Variants in ATP2A3 observed in about 807,000 individuals in gnomAD.
ATP2A3 encodes the protein ATPase sarcoplasmic/endoplasmic reticulum Ca2+ transporting 3.
ATP2A3 carries 61 observed loss-of-function variants against 106.8 expected under a neutral mutation model. The observed-to-expected ratio is 0.57, with a 90% confidence interval of 0.46 to 0.71. The LOEUF is 0.71. ATP2A3 is among the 30% of genes least tolerant of loss of function. The pLI is 0.00. For synonymous variants in ATP2A3, 611 were observed against 609.3 expected, an observed-to-expected ratio of 1.00 and a Z score of -0.04; for missense variants, 1,201 against 1,423.5, an observed-to-expected ratio of 0.84 and a Z score of 2.52.
At chr17:3,945,268 G>T in intron 8 of ATP2A3, 120 bp from the exon 9 acceptor site, 1 of 884,660 alleles carries the variant, frequency 1.1e-6, no homozygotes, top group Non-Finnish European at 1.7e-6. Context: ...AAACCGGCCT[G>T]GCCGTCCGTG....
intron 11 of ATP2A3, 79 bp from the exon 12 acceptor site, chr17:3,942,810 C>A: frequency 6.3e-7 from 1 of 1,591,964 alleles, no homozygotes. Context: ...TGCTTGGCCC[C>A]AAGAGAGCCT....
At position 3,964,215 on chromosome 17, in the gene ATP2A3, G is replaced by T; in HGVS notation, c.77C>A (p.Pro26Gln). The T allele has an allele frequency of 7.9e-7, 1 of 1,266,924 alleles. No homozygotes were observed. The highest frequency in any genetic ancestry group is 1.0e-6 in the Non-Finnish European group (1 of 994,522). 78.5% of individuals were successfully genotyped at this position (1,266,924 alleles called of 1,614,324 possible). The change falls in exon 1 of 21, where the codon CCG (proline) becomes CAG (glutamine). Residue 26 changes from proline to glutamine, a missense_variant. By Grantham distance (76) the Pro-to-Gln change is moderately conservative. Transcript: ENST00000397041. ...FSVTAEGGLS[P>Q]AQVTGARERY... Reference sequence around the variant, plus strand: ...CTCCCGCGCGCCGGTCACCTGCGCCGGGCTCAGGCCGCCCTCGGCTGTCAC... The same window carrying T: ...CTCCCGCGCGCCGGTCACCTGCGCCTGGCTCAGGCCGCCCTCGGCTGTCAC...
intron 9 of ATP2A3, 31 bp from the exon 10 acceptor site, chr17:3,944,837 C>G (rs750208176): frequency 6.3e-7 from 1 of 1,582,222 alleles, no homozygotes; most frequent in Middle Eastern, 1.9e-4. Context: ...CCAGGAGGAC[C>G]TCGGCTCCGC....
chr17:3,962,335 C>T (rs1291847955), intron 1 of ATP2A3, among the ~76,000 whole-genome samples: 2 of 152,180 alleles, frequency 1.3e-5, no homozygotes, highest in African/African-American at 2.4e-5. Context: ...ATGGGGATGA[C>T]AACAGTCCTT....
At chr17:3,931,727 T>C (rs2053109198) in intron 17 of ATP2A3, among the ~76,000 whole-genome samples, 1 of 152,080 alleles carries the variant, frequency 6.6e-6, no homozygotes, top group Non-Finnish European at 1.5e-5. Flanking sequence ...TTCACCGTGT[T>C]AGCCAGGATG....
chr17:3,934,292 C>T (rs924776962), intron 17 of ATP2A3, among the ~76,000 whole-genome samples: 3 of 151,698 alleles, frequency 2.0e-5, no homozygotes, highest in Non-Finnish European at 2.9e-5. Flanking sequence ...GGTGTGATCA[C>T]GGCTCAGTTC....
Position 3,936,632 on chromosome 17 carries a change from C to A in ATP2A3, c.2322-163G>T. On this transcript the variant is annotated intron_variant, in intron 15 of 20. Coordinates refer to ENST00000397041, the MANE Select transcript of ATP2A3 (RefSeq NM_005173.4). The surrounding 1 kb of genome is among the most constrained non-coding windows in gnomAD (Gnocchi z 5.4). ...TGATGTGAAGGGTGTGTGTACACAG[C>A]TCTGCCTCGGGCCTGGCCAGTCCTG... 1.3e-6 allele frequency: 1 copy of A among 764,626 alleles called. No homozygotes were observed. 47.4% of individuals were successfully genotyped at this position (764,626 alleles called of 1,614,324 possible).
rs915447694 is a variant in ATP2A3, at chr17:3,940,041, TTGTTTTTTG to T, written c.2100+921_2100+929del. On this transcript the variant is annotated intron_variant, in intron 14 of 20. Coordinates refer to ENST00000397041, the MANE Select transcript of ATP2A3 (RefSeq NM_005173.4). Reference sequence around the variant, plus strand: ...GGTAATGTGTCATATCTTTTTTTTTTTGTTTTTTGTTTTTTTTTTTTTTGGAGAGATGGG... The same window carrying T: ...GGTAATGTGTCATATCTTTTTTTTTTTTTTTTTTTTTTTTGGAGAGATGGG... Among the ~76,000 whole-genome samples the T allele has an allele frequency of 1.9e-4, 18 of 92,614 alleles. 2 individuals carry two copies. Among genetic ancestry groups the T allele is most frequent in the African/African-American group, 7.2e-4 (13 of 18,090 alleles). 60.8% of individuals were successfully genotyped at this position (92,614 alleles called of 152,430 possible).
intron 5 of ATP2A3, 79 bp downstream of exon 5, chr17:3,951,172 C>A: frequency 8.7e-7 from 1 of 1,149,542 alleles, no homozygotes; most frequent in Non-Finnish European, 1.1e-6. Context: ...GACTCCATCT[C>A]AAAAAATAAA....
intron 7 of ATP2A3, among the ~76,000 whole-genome samples, chr17:3,949,935 G>A (rs1284637216): frequency 2.0e-5 from 3 of 151,950 alleles, no homozygotes; most frequent in Non-Finnish European, 2.9e-5. Context: ...GCCAAGGTGG[G>A]CGGATCACTT....
chr17:3,937,217 C>G (rs1014921719), intron 15 of ATP2A3, 199 bp downstream of exon 15: 1 of 664,850 alleles, frequency 1.5e-6, no homozygotes, highest in African/African-American at 1.8e-5. Context: ...GACCATGATC[C>G]ATAGGTCACC....
chr17:3,927,798 C>T (rs1039500880), intron 20 of ATP2A3: 4 of 985,360 alleles, frequency 4.1e-6, no homozygotes, highest in Non-Finnish European at 4.8e-6. Context: ...ATGACAGACG[C>T]GTGATCTATT....
intron 1 of ATP2A3, among the ~76,000 whole-genome samples, chr17:3,958,767 T>TATATACAC (rs2054940599): frequency 1.4e-5 from 2 of 145,498 alleles, no homozygotes; most frequent in East Asian, 2.0e-4. Context: ...TACACACACA[T>TATATACAC]ATATATACAC....
chr17:3,943,842 G>A (rs916866930), intron 10 of ATP2A3, among the ~76,000 whole-genome samples: 2 of 151,892 alleles, frequency 1.3e-5, no homozygotes, highest in African/African-American at 4.8e-5. Flanking sequence ...GCTCTCCCTG[G>A]GGCCCTTTGC....
At position 3,924,593 on chromosome 17, in the gene ATP2A3, A is replaced by AGGTACC; in HGVS notation, c.*828_*829insGGTACC. The AGGTACC allele has an allele frequency of 2.9e-6, 1 of 350,536 alleles. No homozygotes were observed. Among genetic ancestry groups the AGGTACC allele is most frequent in the East Asian group, 8.2e-5 (1 of 12,206 alleles). 21.7% of individuals were successfully genotyped at this position (350,536 alleles called of 1,614,324 possible). A position where few individuals can be genotyped will look rare whatever the true frequency, so the allele number is the denominator to read the frequency against. ...CTCAGGTACCAGGGACGCGGGTGGC[A>AGGTACC]AGTTGGACCTCTGCGTGGCAGACCG... On this transcript the variant is annotated 3_prime_UTR_variant, in exon 21 of 21. Coordinates refer to ENST00000397041, the MANE Select transcript of ATP2A3 (RefSeq NM_005173.4). The surrounding 1 kb of genome is among the most constrained non-coding windows in gnomAD (Gnocchi z 6.4).
Position 3,925,408 on chromosome 17 carries a change from T to C in ATP2A3, c.*14A>G, listed in dbSNP as rs887387. On this transcript the variant is annotated 3_prime_UTR_variant, in exon 21 of 21. Coordinates refer to ENST00000397041, the MANE Select transcript of ATP2A3 (RefSeq NM_005173.4). This position sits in a 1 kb window ranked among gnomAD's most constrained non-coding sequence, Gnocchi z 4.2. ...CTGAGGTACACACCGGAGACTCCAC[T>C]CTGTTCCCAGCGCTCACTTCTGGCT... 575,321 of 1,613,220 alleles carry C rather than the reference T, an allele frequency of 0.36. 104,242 individuals are homozygous for C. The highest frequency in any genetic ancestry group is 0.43 in the Admixed American group (25,708 of 59,890).
intron 20 of ATP2A3, chr17:3,927,622 A>G (rs1272938657): frequency 5.6e-5 from 55 of 985,288 alleles, no homozygotes; most frequent in Admixed American, 6.1e-5. Flanking sequence ...TTGGCCAGAA[A>G]GAACCAGACA....
chr17:3,962,423 T>G (rs1165987551), intron 1 of ATP2A3, among the ~76,000 whole-genome samples: 1 of 152,210 alleles, frequency 6.6e-6, no homozygotes, highest in Non-Finnish European at 1.5e-5. Flanking sequence ...ACATAGTAAG[T>G]GCTCAGTGAA....
chr17:3,942,614 A>G lies in ATP2A3; in HGVS notation c.1537T>C (p.Phe513Leu). ...PHPTGQGSKMFVKGAPESVIE... is the reference protein window; with the variant it reads ...PHPTGQGSKMLVKGAPESVIE... ...GCCAGGCAGGCCCCCACCTTCACAA[A>G]CATCTTGCTGCCCTGGCCAGTAGGG... is the stretch of plus-strand genomic sequence containing the variant. The change falls in exon 12 of 21, where the codon TTT (phenylalanine) becomes CTT (leucine). Residue 513 changes from phenylalanine to leucine, a missense_variant. Physicochemically the swap from Phe to Leu is conservative, Grantham distance 22 (BLOSUM62 0). This residue lies in a region of ATP2A3 where 935 missense variants were observed against 1,176.7 expected (regional missense o/e 0.79). Coordinates refer to ENST00000397041, the MANE Select transcript of ATP2A3 (RefSeq NM_005173.4). 6.2e-7 allele frequency: 1 copy of G among 1,610,802 alleles called. No individual in the cohort carries two copies. Among genetic ancestry groups the G allele is most frequent in the Non-Finnish European group, 8.5e-7 (1 of 1,179,444 alleles).
Sources: gnomAD v4.1 joint callset for allele counts (sites outside exome capture counted in the v4.1 genomes callset) on GRCh38, gnomAD v4.1.1 for gene constraint, gnomAD v4.1.1 regional missense constraint, Gnocchi (gnomAD v3.1) non-coding constraint, MANE v1.5 for transcripts, NCBI Gene and HGNC (gene_info 2026-07-23, HGNC 2026-07-21) for gene names.